Variants in BROX observed in about 807,000 individuals in gnomAD.
BROX encodes BRO1 domain-containing protein BROX.
BROX carries 53 observed loss-of-function variants against 61.0 expected under a neutral mutation model. That is an observed-to-expected ratio of 0.87 (90% confidence interval 0.70 to 1.09). The LOEUF (loss-of-function observed/expected upper bound fraction) is 1.09. BROX is among the 50% of genes least tolerant of loss of function. BROX has a pLI of 0.00. For synonymous variants in BROX, 152 were observed against 160.2 expected (o/e 0.95, Z 0.38); for missense variants, 489 against 472.0 (o/e 1.04, Z -0.33).
At chr1:222,720,281 C>A (rs1285028846) in intron 4 of BROX, among the ~76,000 whole-genome samples, 1 of 152,130 alleles carries the variant, frequency 6.6e-6, no homozygotes. Context: ...TTTCTTCCTT[C>A]CTTGGCAATA....
chr1:222,727,313 G>A, intron 8 of BROX, 56 bp downstream of exon 8: 1 of 1,297,306 alleles, frequency 7.7e-7, no homozygotes, highest in Non-Finnish European at 1.1e-6. Flanking sequence ...AGATTTATTT[G>A]ATCTTGAATA....
intron 1 of BROX, chr1:222,713,328 C>T (rs1239436921): frequency 2.0e-6 from 2 of 985,726 alleles, no homozygotes; most frequent in South Asian, 4.6e-5. Context: ...ACGGTCGCCG[C>T]CCGCTGCCTC....
At chr1:222,724,230 T>G in intron 6 of BROX, 66 bp downstream of exon 6, 1 of 1,237,206 alleles carries the variant, frequency 8.1e-7, no homozygotes, top group Non-Finnish European at 1.1e-6. Context: ...ATTTTTCTTT[T>G]GGGAGGATAT....
At chr1:222,723,467 C>CT (rs934271404) in intron 5 of BROX, among the ~76,000 whole-genome samples, 86 of 151,958 alleles carry the variant, frequency 5.7e-4, no homozygotes, top group Middle Eastern at 3.4e-3. Flanking sequence ...GTTAGGGTCT[C>CT]TTTTTTTTCA....
At position 222,714,582 on chromosome 1, in the gene BROX, G is replaced by GT. The variant is rs1331977607; in HGVS notation, c.-16-1092dup. On this transcript the variant is annotated intron_variant, in intron 1 of 12. Coordinates refer to ENST00000340934, the MANE Select transcript of BROX (RefSeq NM_144695.4). ...GTGGTGTTCCAAGTTTTTGTTTTTT[G>GT]TTTTTTTTTTCCTTTTTCCTTTTTT... 3.4e-3 allele frequency among the ~76,000 whole-genome samples: 447 copies of GT among 130,284 alleles called. 2 individuals are homozygous for GT. The highest frequency in any genetic ancestry group is 5.2e-3 in the East Asian group (22 of 4,222). 85.5% of individuals were successfully genotyped at this position (130,284 alleles called of 152,430 possible).
At chr1:222,718,791 C>T in intron 2 of BROX, 134 bp from the exon 3 acceptor site, 1 of 693,574 alleles carries the variant, frequency 1.4e-6, no homozygotes, top group Non-Finnish European at 2.5e-6. Context: ...TGTTTTAAAG[C>T]TTTTACATTG....
intron 1 of BROX, chr1:222,713,401 CG>C: frequency 4.1e-6 from 4 of 984,210 alleles, no homozygotes; most frequent in Non-Finnish European, 4.8e-6. Context: ...GCTCAGAGCT[CG>C]GGGGCGGCGC....
In BROX at chr1:222,719,027, A is replaced by G; in HGVS notation, c.204A>G (p.Leu68=). The change falls in exon 3 of 13, where the codon TTA becomes TTG. Residue 68 remains leucine, a synonymous_variant. Transcript: ENST00000340934. ...CAGCAGATTCATATTTCTCACTTTT[A>G]CAAGGTTAGTTATTTATATGAACTT... ...KNAADSYFSL[L]QGFINSLDES... The G allele has an allele frequency of 6.2e-7, 1 of 1,610,296 alleles. No homozygotes were observed. The highest frequency in any genetic ancestry group is 8.5e-7 in the Non-Finnish European group (1 of 1,177,884).
At position 222,734,291 on chromosome 1, in the gene BROX, G is replaced by A. The variant is rs1487570814; in HGVS notation, c.*1577G>A. 4 of 152,136 alleles carry A rather than the reference G, an allele frequency of 2.6e-5. No individual in the cohort carries two copies. The highest frequency in any genetic ancestry group is 9.7e-5 in the African/African-American group (4 of 41,438). 9.4% of individuals were successfully genotyped at this position (152,136 alleles called of 1,614,324 possible). On this transcript the variant is annotated 3_prime_UTR_variant, in exon 13 of 13. Transcript: ENST00000340934. ...AGATACTGTGCTGGACACTTACATAGATAAGCCATTGAATCCACACAGCAG... is the reference window on the plus strand; with the variant it reads ...AGATACTGTGCTGGACACTTACATAAATAAGCCATTGAATCCACACAGCAG...
chr1:222,725,316 T>G (rs1657420670), intron 6 of BROX, 134 bp from the exon 7 acceptor site: 1 of 565,796 alleles, frequency 1.8e-6, no homozygotes, highest in African/African-American at 1.9e-5. Context: ...TTTTATAGTT[T>G]TTGTTTATAC....
chr1:222,723,582 T>G (rs1435863476), intron 5 of BROX, among the ~76,000 whole-genome samples: 1 of 152,250 alleles, frequency 6.6e-6, no homozygotes, highest in Non-Finnish European at 1.5e-5. Flanking sequence ...GGATACTGAT[T>G]GGCTTAGCAT....
chr1:222,713,176 T>A, intron 1 of BROX: 1 of 969,044 alleles, frequency 1.0e-6, no homozygotes, highest in Non-Finnish European at 1.2e-6. Context: ...CGCATCTCCA[T>A]TGGTCATTGG....
intron 9 of BROX, 87 bp from the exon 10 acceptor site, chr1:222,729,533 T>C: frequency 2.1e-6 from 2 of 943,962 alleles, no homozygotes; most frequent in Non-Finnish European, 3.3e-6. Context: ...TGTATGAAGG[T>C]ACTAATTTAT....
At chr1:222,723,707 C>G (rs1449983016) in intron 5 of BROX, among the ~76,000 whole-genome samples, 1 of 152,154 alleles carries the variant, frequency 6.6e-6, no homozygotes, top group Non-Finnish European at 1.5e-5. Context: ...TGGAGTGCCG[C>G]TCTGTCGCCA....
chr1:222,727,472 T>C (rs542473172), intron 8 of BROX, among the ~76,000 whole-genome samples: 6 of 152,344 alleles, frequency 3.9e-5, no homozygotes, highest in African/African-American at 1.4e-4. Context: ...CTCATAAAAT[T>C]ATACAGCTTT....
Position 222,735,185 on chromosome 1 carries a change from C to G in BROX, c.*2471C>G, listed in dbSNP as rs767726218. 1 of 152,202 alleles carries G rather than the reference C, an allele frequency of 6.6e-6. No individual in the cohort carries two copies. The highest frequency in any genetic ancestry group is 2.1e-4 in the South Asian group (1 of 4,834). 9.4% of individuals were successfully genotyped at this position (152,202 alleles called of 1,614,324 possible). On this transcript the variant is annotated 3_prime_UTR_variant, in exon 13 of 13. Transcript: ENST00000340934. ...ATGAAAATAAAAGTAATTTTACTTA[C>G]AATTTCATTGAGATCTTTTGTTTTT... is the stretch of plus-strand genomic sequence containing the variant.
At chr1:222,731,687 A>G (rs1657952878) in intron 12 of BROX, among the ~76,000 whole-genome samples, 171 bp downstream of exon 12, 1 of 152,162 alleles carries the variant, frequency 6.6e-6, no homozygotes. Flanking sequence ...CAGAGATAAG[A>G]CCTCTAGGCC....
chr1:222,724,175 C>T lies in BROX; in HGVS notation c.474+11C>T. On this transcript the variant is annotated intron_variant, in intron 6 of 12. Coordinates refer to ENST00000340934, the MANE Select transcript of BROX (RefSeq NM_144695.4). ...TTTAAACATTTAAAGGTAAAACAAA[C>T]AAACAAAAACCATTATTTGTTCTTA... The T allele has an allele frequency of 6.3e-7, 1 of 1,587,796 alleles. No homozygotes were observed. Among genetic ancestry groups the T allele is most frequent in the African/African-American group, 1.4e-5 (1 of 73,586 alleles).
intron 8 of BROX, among the ~76,000 whole-genome samples, chr1:222,728,066 T>C (rs1339677064): frequency 6.6e-6 from 1 of 152,176 alleles, no homozygotes; most frequent in Non-Finnish European, 1.5e-5. Flanking sequence ...TGTAAGCCAT[T>C]CTGTAGATAC....
Sources: gnomAD v4.1 joint callset for allele counts (sites outside exome capture counted in the v4.1 genomes callset) on GRCh38, gnomAD v4.1.1 for gene constraint, MANE v1.5 for transcripts, NCBI Gene and HGNC (gene_info 2026-07-23, HGNC 2026-07-21) for gene names.